SMG7: variants seen among roughly 807,000 people sequenced by gnomAD.
The protein encoded by SMG7 is nonsense-mediated mRNA decay factor SMG7.
SMG7 carries 34 observed loss-of-function variants against 148.2 expected under a neutral mutation model. The ratio of observed to expected loss-of-function variants is 0.23; its 90% CI spans 0.17 to 0.31. SMG7 has a LOEUF of 0.31. SMG7 is among the 10% of genes least tolerant of loss of function. The pLI is 1.00. For missense variants in SMG7, 1,114 were observed against 1,408.4 expected, an observed-to-expected ratio of 0.79 and a Z score of 3.35; for synonymous variants, 492 against 515.1, an observed-to-expected ratio of 0.96 and a Z score of 0.61.
At position 183,529,546 on chromosome 1, in the gene SMG7, A is replaced by G. The variant is rs1399998560; in HGVS notation, c.843+13A>G. 6.2e-7 allele frequency: 1 copy of G among 1,601,990 alleles called. No individual in the cohort carries two copies. Among genetic ancestry groups the G allele is most frequent in the Admixed American group, 1.7e-5 (1 of 57,404 alleles). On this transcript the variant is annotated intron_variant, in intron 8 of 22. Coordinates refer to ENST00000688051, the MANE Select transcript of SMG7 (RefSeq NM_001375584.1). ...AGAACAGTTTAAGGTTAGATTTCAG[A>G]AATAGAGAATTTTTGTCTTGTCTAA...
At chr1:183,542,026 A>AT in intron 13 of SMG7, 50 bp from the exon 14 acceptor site, 1 of 1,465,590 alleles carries the variant, frequency 6.8e-7, no homozygotes, top group Non-Finnish European at 9.3e-7. Flanking sequence ...TTCAGTTGTT[A>AT]TTTTTTAAGT....
chr1:183,475,994 G>A (rs761646458), intron 1 of SMG7, among the ~76,000 whole-genome samples: 4 of 152,174 alleles, frequency 2.6e-5, no homozygotes, highest in Admixed American at 6.5e-5. Context: ...TCAATCTTAG[G>A]CATTTGTCCT....
chr1:183,481,129 T>C (rs1243901558), intron 1 of SMG7, among the ~76,000 whole-genome samples: 1 of 151,932 alleles, frequency 6.6e-6, no homozygotes, highest in Non-Finnish European at 1.5e-5. Context: ...TATCTGGTAT[T>C]GTTGGCCTTC....
chr1:183,475,604 G>C (rs1310543289), intron 1 of SMG7, among the ~76,000 whole-genome samples: 1 of 152,192 alleles, frequency 6.6e-6, no homozygotes, highest in African/African-American at 2.4e-5. Context: ...TAGAAAAGGG[G>C]AAGACTTCAA....
intron 1 of SMG7, among the ~76,000 whole-genome samples, chr1:183,498,907 T>A (rs962299774): frequency 1.3e-5 from 2 of 152,212 alleles, no homozygotes; most frequent in Non-Finnish European, 2.9e-5. Flanking sequence ...CTCCACCTGT[T>A]CATTCCCCCT....
At chr1:183,535,355 C>T (rs553567638) in intron 10 of SMG7, among the ~76,000 whole-genome samples, 59 of 152,238 alleles carry the variant, frequency 3.9e-4, no homozygotes, top group Admixed American at 9.8e-4. Context: ...TTTTTCCCTC[C>T]ATTTTTTTCT....
rs1558076124 is a variant in SMG7 at position 183,551,833 on chromosome 1, T to A, written c.3466T>A (p.Ser1156Thr). The change falls in exon 23 of 23, where the codon TCC becomes ACC. Residue 1156 changes from serine to threonine, a missense_variant. By Grantham distance (58) the Ser-to-Thr change is moderately conservative. Transcript: ENST00000688051. Reference sequence around the variant, plus strand: ...TGTTTTTCAGTCTATCTGGTCCAGTTCCATGATGCATCCTGGACCTTCTGC... The same window carrying A: ...TGTTTTTCAGTCTATCTGGTCCAGTACCATGATGCATCCTGGACCTTCTGC... The part of the protein sequence containing the change: ...MESLKSIWSS[S>T]MMHPGPSALE... 6.2e-7 allele frequency: 1 copy of A among 1,612,214 alleles called. No individual in the cohort carries two copies. The highest frequency in any genetic ancestry group is 8.5e-7 in the Non-Finnish European group (1 of 1,178,818).
chr1:183,542,337 C>G lies in SMG7; in HGVS notation c.1677C>G (p.Asp559Glu). ...ENIKTREVNR[D>E]QGRSFPPKEV... ...TTAAGACACGAGAAGTGAACAGAGA[C>G]CAAGGAAGAAGTTTTCCTCCCAAAG... The change falls in exon 14 of 23, where the codon GAC becomes GAG. Residue 559 changes from aspartate to glutamate, a missense_variant. This residue lies in a region of SMG7 where 788 missense variants were observed against 894.5 expected (regional missense o/e 0.88). Coordinates refer to ENST00000688051, the MANE Select transcript of SMG7 (RefSeq NM_001375584.1). 1 of 1,613,860 alleles carries G rather than the reference C, an allele frequency of 6.2e-7. No homozygotes were observed. Among genetic ancestry groups the G allele is most frequent in the Non-Finnish European group, 8.5e-7 (1 of 1,179,946 alleles).
chr1:183,511,726 G>A (rs1662202877), intron 1 of SMG7, among the ~76,000 whole-genome samples: 1 of 152,212 alleles, frequency 6.6e-6, no homozygotes, highest in Admixed American at 6.5e-5. Context: ...CAGCTGTTGG[G>A]AGAACAGAAT....
intron 11 of SMG7, 66 bp downstream of exon 11, chr1:183,537,281 G>A: frequency 8.6e-7 from 1 of 1,156,592 alleles, no homozygotes; most frequent in Admixed American, 1.8e-5. Context: ...CTTAATGCCA[G>A]AGAAAAAGAG....
At chr1:183,549,151 T>G (rs1670502884) in intron 18 of SMG7, 57 bp from the exon 19 acceptor site, 1 of 1,303,956 alleles carries the variant, frequency 7.7e-7, no homozygotes, top group African/African-American at 1.5e-5. Context: ...ATGGTAAGAT[T>G]AATATTAAGA....
At position 183,528,018 on chromosome 1, in the gene SMG7, C is replaced by T. The variant is rs1174498293; in HGVS notation, c.547C>T (p.Pro183Ser). The change falls in exon 6 of 23, where the codon CCC becomes TCC. Residue 183 changes from proline to serine, a missense_variant. By Grantham distance (74) the Pro-to-Ser change is moderately conservative. Coordinates refer to ENST00000688051, the MANE Select transcript of SMG7 (RefSeq NM_001375584.1). ...CTATAGGCATGCAGCTCAGCTTGTC[C>T]CCTCCAATGGTGAGTGGACCTGTCA... Reference protein sequence around the residue: ...SYYRHAAQLVPSNGQPYNQLA... With the variant: ...SYYRHAAQLVSSNGQPYNQLA... 4 of 1,612,276 alleles carry T rather than the reference C, an allele frequency of 2.5e-6. No individual in the cohort carries two copies. Among genetic ancestry groups the T allele is most frequent in the Non-Finnish European group, 2.5e-6 (3 of 1,178,744 alleles).
At chr1:183,477,519 T>C (rs71516945) in intron 1 of SMG7, among the ~76,000 whole-genome samples, 66 of 149,880 alleles carry the variant, frequency 4.4e-4, no homozygotes, top group African/African-American at 1.3e-3. Flanking sequence ...CATATATACA[T>C]GTGTGTGCAT....
At chr1:183,537,426 A>C (rs1039509435) in intron 11 of SMG7, among the ~76,000 whole-genome samples, 1 of 152,166 alleles carries the variant, frequency 6.6e-6, no homozygotes, top group African/African-American at 2.4e-5. Flanking sequence ...GCATCATTCA[A>C]ATAGGAGTTC....
Position 183,547,109 on chromosome 1 carries a change from A to C in SMG7, c.2749A>C (p.Lys917Gln). Residue 917 changes from lysine to glutamine, a missense_variant, in exon 18 of 23, where the codon AAG becomes CAG. This residue lies in a region of SMG7 where 788 missense variants were observed against 894.5 expected (regional missense o/e 0.88). Coordinates refer to ENST00000688051, the MANE Select transcript of SMG7 (RefSeq NM_001375584.1). The stretch of plus-strand genomic sequence containing the variant: ...TGATGCTTTCTGTCACTAGGACCCC[A>C]AGAGCTCCCCTCTGCTTCCTCCGGA... Reference protein sequence around the residue: ...PVPRMPFEDPKSSPLLPPDLL... With the variant: ...PVPRMPFEDPQSSPLLPPDLL... 1 of 1,549,642 alleles carries C rather than the reference A, an allele frequency of 6.5e-7. No homozygotes were observed. Among genetic ancestry groups the C allele is most frequent in the Non-Finnish European group, 8.7e-7 (1 of 1,146,528 alleles).
intron 1 of SMG7, among the ~76,000 whole-genome samples, chr1:183,495,822 T>C (rs1571837913): frequency 1.3e-5 from 2 of 151,882 alleles, no homozygotes; most frequent in African/African-American, 4.8e-5. Context: ...GAGCCCAGAT[T>C]GTGCCACTGT....
intron 8 of SMG7, 133 bp from the exon 9 acceptor site, chr1:183,533,031 G>A (rs1667140984): frequency 1.4e-6 from 1 of 711,846 alleles, no homozygotes; most frequent in African/African-American, 1.8e-5. Context: ...TGGGATTGAG[G>A]GCAGAACCAT....
rs1443941634 is a variant in SMG7 at position 183,552,868 on chromosome 1, C to G, written c.*937C>G. 14 of 1,437,836 alleles carry G rather than the reference C, an allele frequency of 9.7e-6. No homozygotes were observed. The highest frequency in any genetic ancestry group is 8.6e-5 in the African/African-American group (6 of 69,774). The allele number at this position is 1,437,836 out of a possible 1,614,324, so 89.1% of individuals were successfully genotyped here. ...TTTTCTTTGGTTGGTTTTTGTGCCC[C>G]CATTCTACTTCCCACCCTCCTGCCC... On this transcript the variant is annotated 3_prime_UTR_variant, in exon 23 of 23. Transcript: ENST00000688051.
At chr1:183,508,656 C>T (rs1323981951) in intron 1 of SMG7, among the ~76,000 whole-genome samples, 2 of 152,076 alleles carry the variant, frequency 1.3e-5, no homozygotes, top group Non-Finnish European at 2.9e-5. Context: ...GATAGAGATT[C>T]CTTTTCTTGT....
Sources: allele counts gnomAD v4.1 joint callset (sites outside exome capture counted in the v4.1 genomes callset), GRCh38; gene constraint gnomAD v4.1.1; regional missense constraint gnomAD v4.1.1; transcripts MANE v1.5; gene names NCBI Gene and HGNC (gene_info 2026-07-23, HGNC 2026-07-21).